PHF21B: variants seen among roughly 807,000 people sequenced by gnomAD.
The protein encoded by PHF21B is PHD finger protein 4.
Under a neutral mutation model 62.2 loss-of-function variants are expected in PHF21B, and 22 were observed. The observed-to-expected ratio is 0.35, with a 90% confidence interval of 0.25 to 0.51. The LOEUF (loss-of-function observed/expected upper bound fraction) is 0.51, where lower values mean the gene tolerates loss of function less well. PHF21B is among the 20% of genes least tolerant of loss of function. The pLI is 0.97. For synonymous variants in PHF21B, 341 were observed against 314.7 expected, an observed-to-expected ratio of 1.08 and a Z score of -0.88; for missense variants, 701 against 707.9, an observed-to-expected ratio of 0.99 and a Z score of 0.11.
intron 2 of PHF21B, among the ~76,000 whole-genome samples, chr22:44,932,846 G>C (rs2071768160): frequency 6.6e-6 from 1 of 152,230 alleles, no homozygotes; most frequent in Admixed American, 6.5e-5. Context: ...CCAGAGGAAG[G>C]GCCCATTTTA....
At chr22:44,918,777 G>A (rs756432703) in intron 3 of PHF21B, among the ~76,000 whole-genome samples, 5 of 152,226 alleles carry the variant, frequency 3.3e-5, no homozygotes, top group Non-Finnish European at 4.4e-5. Context: ...AGGTCCAGGC[G>A]GAAGGGAGAG....
At chr22:44,955,890 C>T (rs1165951869) in intron 2 of PHF21B, among the ~76,000 whole-genome samples, 1 of 152,190 alleles carries the variant, frequency 6.6e-6, no homozygotes, top group Admixed American at 6.5e-5. Flanking sequence ...GGGCCATGGT[C>T]AGCACTCAAA....
intron 2 of PHF21B, among the ~76,000 whole-genome samples, chr22:44,986,455 G>A (rs758445115): frequency 2.7e-5 from 4 of 148,774 alleles, no homozygotes; most frequent in Non-Finnish European, 5.9e-5. Context: ...GCATCCAGAG[G>A]TCCTTTCTTG....
At chr22:44,913,775 C>A in intron 5 of PHF21B, 47 bp downstream of exon 5, 1 of 1,575,310 alleles carries the variant, frequency 6.3e-7, no homozygotes, top group Non-Finnish European at 8.6e-7. Flanking sequence ...TCAGATGGCA[C>A]CTGCAGACTG....
Position 44,886,705 on chromosome 22 carries a change from G to A in PHF21B, c.1198-767C>T, listed in dbSNP as rs941559798. Among the ~76,000 whole-genome samples, 5 of 151,500 alleles carry A rather than the reference G, an allele frequency of 3.3e-5. No homozygotes were observed. The South Asian group carries it at 1.0e-3, about 32-fold the overall frequency. ...CTGTCTACCAAAAAAAAAAAAGGAT[G>A]TAACCCCCGACCCAGGCAGTCACAA... is the stretch of plus-strand genomic sequence containing the variant. On this transcript the variant is annotated intron_variant, in intron 10 of 12. Coordinates refer to ENST00000313237, the MANE Select transcript of PHF21B (RefSeq NM_138415.5).
chr22:44,884,662 T>G (rs2070819705), intron 12 of PHF21B, among the ~76,000 whole-genome samples: 1 of 86,972 alleles, frequency 1.1e-5, no homozygotes, highest in Admixed American at 1.3e-4. Flanking sequence ...ATCACTGTGG[T>G]CTGCACCATC....
chr22:44,999,833 A>G (rs1296069317), intron 2 of PHF21B, among the ~76,000 whole-genome samples: 1 of 152,064 alleles, frequency 6.6e-6, no homozygotes, highest in Non-Finnish European at 1.5e-5. Flanking sequence ...AGAGAGAACC[A>G]GAAGGCACCT....
intron 1 of PHF21B, 88 bp from the exon 2 acceptor site, chr22:45,008,698 A>C: frequency 8.6e-7 from 1 of 1,162,604 alleles, no homozygotes. Flanking sequence ...CCCCGCCCGG[A>C]GCCCCACGGG....
chr22:44,930,065 C>T (rs2071709940), intron 2 of PHF21B, among the ~76,000 whole-genome samples: 1 of 152,156 alleles, frequency 6.6e-6, no homozygotes, highest in African/African-American at 2.4e-5. Flanking sequence ...CCAGACTTGC[C>T]CGGGTCACCA....
At chr22:44,886,533 A>G (rs539550703) in intron 10 of PHF21B, among the ~76,000 whole-genome samples, 1 of 152,180 alleles carries the variant, frequency 6.6e-6, no homozygotes, top group African/African-American at 2.4e-5. Flanking sequence ...CAAAAAATTA[A>G]AAAATTAGCT....
chr22:44,891,390 C>T, intron 7 of PHF21B, 30 bp from the exon 8 acceptor site: 2 of 1,610,414 alleles, frequency 1.2e-6, no homozygotes, highest in Middle Eastern at 1.7e-4. Flanking sequence ...AACAACACAC[C>T]CCATCATCTG....
intron 8 of PHF21B, 43 bp downstream of exon 8, chr22:44,891,263 G>C: frequency 1.9e-6 from 3 of 1,607,654 alleles, no homozygotes; most frequent in Non-Finnish European, 2.5e-6. Flanking sequence ...GACTCCCCGC[G>C]GCCCTGAGCA....
At chr22:44,982,923 C>A (rs1299915193) in intron 2 of PHF21B, among the ~76,000 whole-genome samples, 1 of 152,092 alleles carries the variant, frequency 6.6e-6, no homozygotes, top group Non-Finnish European at 1.5e-5. Flanking sequence ...ATGATGCTCC[C>A]CAAGACAGAA....
chr22:44,918,013 G>C (rs928825350), intron 3 of PHF21B, among the ~76,000 whole-genome samples: 2 of 152,258 alleles, frequency 1.3e-5, no homozygotes, highest in Non-Finnish European at 2.9e-5. Flanking sequence ...GGCCAGCCTG[G>C]GTTCAGGTAA....
chr22:44,950,899 C>T (rs2072180221), intron 2 of PHF21B, among the ~76,000 whole-genome samples: 1 of 147,750 alleles, frequency 6.8e-6, no homozygotes, highest in Non-Finnish European at 1.5e-5. Flanking sequence ...AGCCGGTGGA[C>T]TTACCCAAAC....
chr22:44,974,819 G>C (rs1164443716), intron 2 of PHF21B, among the ~76,000 whole-genome samples: 1 of 152,242 alleles, frequency 6.6e-6, no homozygotes. Context: ...TGGAGATATA[G>C]ATGCCAACCA....
At position 44,964,839 on chromosome 22, in the gene PHF21B, G is replaced by A. The variant is rs562242193; in HGVS notation, c.120+43706C>T. On this transcript the variant is annotated intron_variant, in intron 2 of 12. Transcript: ENST00000313237. The stretch of plus-strand genomic sequence containing the variant: ...CTCACAGTAAACTGGGCCTGAAGCC[G>A]CCTCTCAGGCCAGTTGTCAGTGCAG... 1.1e-3 allele frequency among the ~76,000 whole-genome samples: 170 copies of A among 152,300 alleles called. 1 individual carries two copies. The highest frequency in any genetic ancestry group is 6.8e-3 in the Middle Eastern group (2 of 294).
Position 45,008,575 on chromosome 22 carries a change from C to T in PHF21B, c.90G>A (p.Gln30=), listed in dbSNP as rs1415818289. Reference sequence around the variant, plus strand: ...TGTCGCTGAGCGCGGCGATCCGCGGCTGCCTTTCGTGGAGCTGCTTCTTGA... The same window carrying T: ...TGTCGCTGAGCGCGGCGATCCGCGGTTGCCTTTCGTGGAGCTGCTTCTTGA... The part of the protein sequence containing the change: ...GDLKKQLHER[Q]PRIAALSDKQ... Residue 30 remains glutamine (Q), a synonymous_variant, in exon 2 of 13, where the codon CAG becomes CAA. Coordinates refer to ENST00000313237, the MANE Select transcript of PHF21B (RefSeq NM_138415.5). The T allele has an allele frequency of 3.8e-6, 6 of 1,590,030 alleles. No individual in the cohort carries two copies. In the African/African-American group the frequency reaches 6.7e-5, roughly 18 times the overall value.
chr22:44,914,965 C>T (rs1315434807), intron 4 of PHF21B, among the ~76,000 whole-genome samples: 1 of 152,230 alleles, frequency 6.6e-6, no homozygotes, highest in Admixed American at 6.5e-5. Flanking sequence ...TCTCCAGGAT[C>T]CATCAGCCAC....
Sources: gnomAD v4.1 joint callset for allele counts (sites outside exome capture counted in the v4.1 genomes callset) on GRCh38, gnomAD v4.1.1 for gene constraint, MANE v1.5 for transcripts, NCBI Gene and HGNC (gene_info 2026-07-23, HGNC 2026-07-21) for gene names.